KIF26B: variants seen among roughly 807,000 people sequenced by gnomAD.
KIF26B encodes the protein kinesin family member 26B.
In KIF26B, 63 loss-of-function variants were observed where a neutral mutation model predicts 151.2. That is an observed-to-expected ratio of 0.42 (90% confidence interval 0.34 to 0.51). KIF26B has a LOEUF of 0.51. Ranked by LOEUF, KIF26B falls within the 20% of genes least tolerant of loss-of-function variation. The pLI is 0.07. For synonymous variants in KIF26B, 1,357 were observed against 1,262.1 expected (o/e 1.08, Z -1.59); for missense variants, 2,813 against 2,913.6 (o/e 0.97, Z 0.79).
intron 2 of KIF26B, among the ~76,000 whole-genome samples, chr1:245,311,829 C>T (rs1671671173): frequency 1.3e-5 from 2 of 152,068 alleles, no homozygotes; most frequent in African/African-American, 2.4e-5. Flanking sequence ...ACTCAGGAGG[C>T]TGAGGCAGGA....
intron 2 of KIF26B, among the ~76,000 whole-genome samples, chr1:245,251,846 T>C (rs893134343): frequency 2.6e-5 from 4 of 152,184 alleles, no homozygotes; most frequent in African/African-American, 7.2e-5. Context: ...TTGGCTCTTA[T>C]GACTGGCTTG....
At chr1:245,206,866 G>A (rs1288420675) in intron 2 of KIF26B, 1 of 152,138 alleles carries the variant, frequency 6.6e-6, no homozygotes, top group Non-Finnish European at 1.5e-5. Flanking sequence ...ATGTTTTTCT[G>A]TTTTTAAAAG....
rs1396887306 is a variant in KIF26B at position 245,218,232 on chromosome 1, C to T, written c.465+61549C>T. 6.6e-6 allele frequency among the ~76,000 whole-genome samples: 1 copy of T among 152,184 alleles called. No homozygotes were observed. The highest frequency in any genetic ancestry group is 2.4e-5 in the African/African-American group (1 of 41,434). On this transcript the variant is annotated intron_variant, in intron 2 of 14. Transcript: ENST00000407071. The surrounding 1 kb of genome is among the most constrained non-coding windows in gnomAD (Gnocchi z 4.1). ...GCAGTGACATTCGGGCCCTCGGGGG[C>T]AGACTGTGCCTGTGGCTTCTCAGTG... is the stretch of plus-strand genomic sequence containing the variant.
At chr1:245,200,424 T>G (rs1669276839) in intron 2 of KIF26B, among the ~76,000 whole-genome samples, 1 of 152,146 alleles carries the variant, frequency 6.6e-6, no homozygotes, top group Non-Finnish European at 1.5e-5. Context: ...TCCTAAATAT[T>G]TTGGAATATC....
intron 2 of KIF26B, among the ~76,000 whole-genome samples, chr1:245,288,086 C>T (rs5013982): frequency 0.59 from 90,243 of 151,868 alleles, 27,176 homozygotes; most frequent in East Asian, 0.7. Context: ...TTGTTTGTAC[C>T]ATCTCTTCAT....
intron 12 of KIF26B, 41 bp downstream of exon 12, chr1:245,688,848 AGGT>A (rs1558274444): frequency 2.0e-6 from 3 of 1,523,524 alleles, no homozygotes; most frequent in Non-Finnish European, 1.8e-6. Flanking sequence ...GGAGGGCGGC[AGGT>A]GGGCGAGCTG....
intron 2 of KIF26B, among the ~76,000 whole-genome samples, chr1:245,273,433 A>T (rs10802203): frequency 0.6 from 89,859 of 149,488 alleles, 28,331 homozygotes; most frequent in African/African-American, 0.77. Flanking sequence ...AAAAAAAAAA[A>T]AAAAAAAACC....
At chr1:245,345,205 A>C (rs1049310135) in intron 2 of KIF26B, among the ~76,000 whole-genome samples, 2 of 152,032 alleles carry the variant, frequency 1.3e-5, no homozygotes, top group South Asian at 4.1e-4. Context: ...TTCTATAATG[A>C]AGAGCCCACA....
intron 2 of KIF26B, among the ~76,000 whole-genome samples, chr1:245,254,609 A>T (rs578242655): frequency 1.3e-5 from 2 of 152,194 alleles, no homozygotes; most frequent in African/African-American, 2.4e-5. Context: ...TAAGAATGGC[A>T]GGTTCTTAGT....
chr1:245,513,994 C>T (rs1280596871), intron 4 of KIF26B, among the ~76,000 whole-genome samples: 1 of 152,126 alleles, frequency 6.6e-6, no homozygotes, highest in Non-Finnish European at 1.5e-5. Flanking sequence ...CCTCATCTTC[C>T]CACTTCTTCC....
chr1:245,307,334 G>A (rs1207666869), intron 2 of KIF26B, among the ~76,000 whole-genome samples: 2 of 152,134 alleles, frequency 1.3e-5, no homozygotes, highest in Non-Finnish European at 2.9e-5. Flanking sequence ...CAGCGAGGAG[G>A]AATTGTGATC....
chr1:245,175,442 G>A (rs754004650), intron 2 of KIF26B, among the ~76,000 whole-genome samples: 5 of 152,120 alleles, frequency 3.3e-5, no homozygotes, highest in African/African-American at 7.2e-5. Context: ...AGGTGGAGAC[G>A]AGAACACAGA....
chr1:245,585,024 AG>A (rs2043210622), intron 5 of KIF26B, among the ~76,000 whole-genome samples: 1 of 152,348 alleles, frequency 6.6e-6, no homozygotes, highest in South Asian at 2.1e-4. Context: ...ATAGATTTTG[AG>A]GGAAAGATTC....
chr1:245,556,062 G>A (rs114349764), intron 5 of KIF26B, among the ~76,000 whole-genome samples: 4,625 of 152,246 alleles, frequency 0.03, 85 homozygotes, highest in South Asian at 0.043. Flanking sequence ...CCGAGATAGC[G>A]CTCCGGCTTG....
At chr1:245,184,676 C>A (rs956946375) in intron 2 of KIF26B, among the ~76,000 whole-genome samples, 5 of 152,152 alleles carry the variant, frequency 3.3e-5, no homozygotes, top group African/African-American at 1.2e-4. Flanking sequence ...AATAATCTAG[C>A]CATTGTTACC....
chr1:245,469,447 G>A (rs754017076), intron 4 of KIF26B, among the ~76,000 whole-genome samples: 1 of 152,174 alleles, frequency 6.6e-6, no homozygotes, highest in Non-Finnish European at 1.5e-5. Flanking sequence ...GGGGGTTATA[G>A]GTAGCAGAAC....
intron 9 of KIF26B, among the ~76,000 whole-genome samples, chr1:245,616,534 G>A (rs1214871640): frequency 2.0e-5 from 3 of 152,166 alleles, no homozygotes; most frequent in Admixed American, 6.5e-5. Flanking sequence ...TTGGGAATGG[G>A]ACCCAAATCT....
chr1:245,253,775 C>G (rs1202192884), intron 2 of KIF26B, among the ~76,000 whole-genome samples: 1 of 143,610 alleles, frequency 7.0e-6, no homozygotes, highest in East Asian at 2.0e-4. Context: ...TTTAAATTTT[C>G]CTGTCTATAG....
chr1:245,699,102 G>A, intron 14 of KIF26B, 65 bp downstream of exon 14: 2 of 1,502,022 alleles, frequency 1.3e-6, no homozygotes, highest in South Asian at 1.2e-5. Flanking sequence ...GGGCTGGCGT[G>A]TAGCCCAGGG....
Sources: gnomAD v4.1 joint callset for allele counts (sites outside exome capture counted in the v4.1 genomes callset) on GRCh38, gnomAD v4.1.1 for gene constraint, Gnocchi (gnomAD v3.1) non-coding constraint, MANE v1.5 for transcripts, NCBI Gene and HGNC (gene_info 2026-07-23, HGNC 2026-07-21) for gene names.